FRG1: variants seen among roughly 807,000 people sequenced by gnomAD.
The protein encoded by FRG1 is FSHD region gene 1.
FRG1 carries 19 observed loss-of-function variants against 37.0 expected under a neutral mutation model. The ratio of observed to expected loss-of-function variants is 0.51; its 90% CI spans 0.36 to 0.75. The LOEUF is 0.75. FRG1 is among the 30% of genes least tolerant of loss of function. The pLI is 0.00. For missense variants in FRG1, 243 were observed against 301.4 expected, an observed-to-expected ratio of 0.81 and a Z score of 1.44; for synonymous variants, 73 against 96.5, an observed-to-expected ratio of 0.76 and a Z score of 1.43.
chr4:189,954,475 C>CA (rs1736893756), intron 4 of FRG1, among the ~76,000 whole-genome samples: 1 of 151,054 alleles, frequency 6.6e-6, no homozygotes, highest in Non-Finnish European at 1.5e-5. Context: ...TGATGAATTT[C>CA]AAAAATATTT....
intron 2 of FRG1, among the ~76,000 whole-genome samples, chr4:189,949,889 A>C (rs918585739): frequency 6.6e-6 from 1 of 152,138 alleles, no homozygotes; most frequent in Admixed American, 6.6e-5. Context: ...AATATACAGA[A>C]TATAGAATTT....
chr4:189,954,784 TG>T (rs1163067110), intron 4 of FRG1, among the ~76,000 whole-genome samples: 1 of 151,994 alleles, frequency 6.6e-6, no homozygotes, highest in Non-Finnish European at 1.5e-5. Flanking sequence ...TTTGTAGAGA[TG>T]GGGTCTCACT....
At chr4:189,946,561 G>C (rs1736538227) in intron 2 of FRG1, among the ~76,000 whole-genome samples, 1 of 151,856 alleles carries the variant, frequency 6.6e-6, no homozygotes, top group Non-Finnish European at 1.5e-5. Context: ...AAGGGAGTTA[G>C]ATCTCTTCAT....
At chr4:189,953,890 T>C (rs1385327803) in intron 4 of FRG1, among the ~76,000 whole-genome samples, 4 of 152,078 alleles carry the variant, frequency 2.6e-5, no homozygotes, top group Non-Finnish European at 5.9e-5. Context: ...TTTACAATTA[T>C]AAACAAAAAA....
chr4:189,962,785 A>G (rs1478341355), intron 8 of FRG1, among the ~76,000 whole-genome samples: 1 of 152,202 alleles, frequency 6.6e-6, no homozygotes, highest in Admixed American at 6.5e-5. Flanking sequence ...TATCACTTGT[A>G]ATAATACAGC....
chr4:189,941,893 G>C (rs751131332), intron 1 of FRG1: 11 of 439,046 alleles, frequency 2.5e-5, no homozygotes, highest in South Asian at 1.6e-4. Flanking sequence ...ATAAACAGAG[G>C]TTTTGATATT....
In FRG1 at chr4:189,960,757, T is replaced by G; in HGVS notation, c.547T>G (p.Cys183Gly). The G allele has an allele frequency of 6.2e-7, 1 of 1,605,758 alleles. No individual in the cohort carries two copies. Among genetic ancestry groups the G allele is most frequent in the Non-Finnish European group, 8.5e-7 (1 of 1,176,424 alleles). ...GEEEMIKIRSCAERETKKKDD... is the reference protein window; with the variant it reads ...GEEEMIKIRSGAERETKKKDD... Reference sequence around the variant, plus strand: ...CTTTTCCAATATCTAGATTAGATCCTGTGCTGAAAGAGAAACCAAGAAAAA... The same window carrying G: ...CTTTTCCAATATCTAGATTAGATCCGGTGCTGAAAGAGAAACCAAGAAAAA... The change falls in exon 7 of 9, where the codon TGT becomes GGT. Residue 183 changes from cysteine (C) to glycine (G), a missense_variant. Coordinates refer to ENST00000226798, the MANE Select transcript of FRG1 (RefSeq NM_004477.3).
chr4:189,942,502 T>G (rs867856788), intron 1 of FRG1, among the ~76,000 whole-genome samples: 3 of 152,190 alleles, frequency 2.0e-5, no homozygotes, highest in Non-Finnish European at 2.9e-5. Flanking sequence ...TCCTTTCACT[T>G]ATAACATTAT....
intron 4 of FRG1, among the ~76,000 whole-genome samples, chr4:189,953,406 A>T (rs899911446): frequency 6.6e-6 from 1 of 152,160 alleles, no homozygotes; most frequent in Non-Finnish European, 1.5e-5. Flanking sequence ...AACCTGGTTC[A>T]CTGTTGCTGT....
In FRG1 at chr4:189,951,881, C is replaced by T. The variant is rs544366375; in HGVS notation, c.134-281C>T. 4.6e-5 allele frequency among the ~76,000 whole-genome samples: 7 copies of T among 152,164 alleles called. No homozygotes were observed. In the East Asian group the frequency reaches 7.8e-4, roughly 17 times the overall value. ...ACCTAATCCTGACTGTGCTGGTAGT[C>T]GCATGAATCTCTGCACATACATGCA... On this transcript the variant is annotated intron_variant, in intron 2 of 8. Coordinates refer to ENST00000226798, the MANE Select transcript of FRG1 (RefSeq NM_004477.3).
Position 189,957,514 on chromosome 4 carries a change from A to G in FRG1, c.537+12A>G, listed in dbSNP as rs550814219. 2.3e-5 allele frequency: 37 copies of G among 1,611,702 alleles called. No individual in the cohort carries two copies. The African/African-American group carries it at 4.8e-4, about 21-fold the overall frequency. ...AAGAAATGATCAAGGTAATGATGAC[A>G]TTTTATACAGATGACTGCATTCACA... On this transcript the variant is annotated intron_variant, in intron 6 of 8. Transcript: ENST00000226798.
chr4:189,941,266 G>C (rs76626470), intron 1 of FRG1, among the ~76,000 whole-genome samples, 195 bp downstream of exon 1: 2 of 152,074 alleles, frequency 1.3e-5, no homozygotes, highest in Non-Finnish European at 2.9e-5. Context: ...CCTCCCGCGC[G>C]GACGACCCTG....
At chr4:189,953,012 G>C (rs11727824) in intron 3 of FRG1, 56 bp from the exon 4 acceptor site, 1 of 1,411,028 alleles carries the variant, frequency 7.1e-7, no homozygotes, top group African/African-American at 1.6e-5. Flanking sequence ...ACAAAATAAT[G>C]TCTTTATATT....
intron 2 of FRG1, among the ~76,000 whole-genome samples, chr4:189,950,360 T>G (rs1471820540): frequency 6.8e-6 from 1 of 148,080 alleles, no homozygotes; most frequent in Non-Finnish European, 1.5e-5. Context: ...TGCACAAAAG[T>G]TTTTAATTCT....
intron 4 of FRG1, among the ~76,000 whole-genome samples, chr4:189,953,712 T>G (rs1369199933): frequency 1.3e-5 from 2 of 151,992 alleles, no homozygotes; most frequent in Non-Finnish European, 2.9e-5. Context: ...GGAGTAAAAG[T>G]CAATTCTGGC....
chr4:189,954,522 A>C lies in FRG1; in HGVS notation c.318-515A>C, dbSNP rs542519061. ...TATAAGGTACAATGTTTATATTAAA[A>C]AAGCACAATATAAAACTAAATTTAA... On this transcript the variant is annotated intron_variant, in intron 4 of 8. Transcript: ENST00000226798. 4.4e-3 allele frequency among the ~76,000 whole-genome samples: 674 copies of C among 152,174 alleles called. 12 individuals are homozygous for C. Among genetic ancestry groups the C allele is most frequent in the African/African-American group, 0.015 (633 of 41,504 alleles).
intron 1 of FRG1, among the ~76,000 whole-genome samples, chr4:189,942,914 CAG>C (rs1395455149): frequency 6.6e-6 from 1 of 152,122 alleles, no homozygotes; most frequent in African/African-American, 2.4e-5. Context: ...GAAACTGACT[CAG>C]AGAGATTCAG....
At chr4:189,952,514 G>A (rs976095604) in intron 3 of FRG1, among the ~76,000 whole-genome samples, 13 of 152,166 alleles carry the variant, frequency 8.5e-5, no homozygotes, top group African/African-American at 3.1e-4. Flanking sequence ...AGTATCTTTG[G>A]AAATCAAAAT....
chr4:189,947,224 T>A (rs1029736256), intron 2 of FRG1, among the ~76,000 whole-genome samples: 1 of 152,246 alleles, frequency 6.6e-6, no homozygotes, highest in Admixed American at 6.5e-5. Flanking sequence ...ACTGATTTTT[T>A]ACTAATGCTA....
Sources: gnomAD v4.1 joint callset for allele counts (sites outside exome capture counted in the v4.1 genomes callset) on GRCh38, gnomAD v4.1.1 for gene constraint, MANE v1.5 for transcripts, NCBI Gene and HGNC (gene_info 2026-07-23, HGNC 2026-07-21) for gene names.